UPP2: variants seen among roughly 807,000 people sequenced by gnomAD.
The protein encoded by UPP2 is UPase 2.
A neutral mutation model predicts 26.7 loss-of-function variants in UPP2; 23 were observed. The ratio of observed to expected loss-of-function variants is 0.86; its 90% CI spans 0.62 to 1.22. The LOEUF (loss-of-function observed/expected upper bound fraction) is 1.22, where lower values mean the gene tolerates loss of function less well. Among genes scored for constraint, UPP2 ranks in the 50% most tolerant of loss-of-function variants. The probability of loss-of-function intolerance (pLI) is 0.00; values close to 1 mark genes in which losing one functional copy is unlikely to be tolerated. For missense variants in UPP2, 387 were observed against 396.7 expected (o/e 0.98, Z 0.21); for synonymous variants, 127 against 141.3 (o/e 0.90, Z 0.72).
intron 3 of UPP2, among the ~76,000 whole-genome samples, chr2:158,020,264 T>C (rs1005683757): frequency 1.3e-5 from 2 of 152,252 alleles, no homozygotes; most frequent in African/African-American, 2.4e-5. Context: ...TCACTGCTCC[T>C]GTTCTTCGAC....
chr2:158,114,965 G>T, intron 2 of UPP2, 136 bp from the exon 3 acceptor site: 1 of 781,654 alleles, frequency 1.3e-6, no homozygotes, highest in Non-Finnish European at 1.8e-6. Flanking sequence ...GCTAATTCAT[G>T]GAACATAAAC....
At chr2:158,011,751 T>TTCC (rs1468194189) in intron 2 of UPP2, among the ~76,000 whole-genome samples, 1 of 152,168 alleles carries the variant, frequency 6.6e-6, no homozygotes, top group Non-Finnish European at 1.5e-5. Context: ...ACAAACAGAC[T>TTCC]TCCTCCTTTC....
chr2:158,000,224 T>A (rs1277001148), intron 2 of UPP2, among the ~76,000 whole-genome samples: 1 of 152,040 alleles, frequency 6.6e-6, no homozygotes. Context: ...CTCTGGAGAT[T>A]GCTCTACCTG....
chr2:158,086,188 G>T (rs1170755785), intron 3 of UPP2, among the ~76,000 whole-genome samples: 4 of 151,916 alleles, frequency 2.6e-5, no homozygotes, highest in South Asian at 2.1e-4. Flanking sequence ...GCTTATTATT[G>T]TTCTGTTCAG....
chr2:158,025,042 A>T (rs1329339724), intron 3 of UPP2, among the ~76,000 whole-genome samples: 2 of 152,104 alleles, frequency 1.3e-5, no homozygotes, highest in Admixed American at 1.3e-4. Context: ...TCTCTACAAA[A>T]ATATAAAAAT....
At chr2:158,031,984 T>G (rs947262739) in intron 3 of UPP2, among the ~76,000 whole-genome samples, 1 of 152,176 alleles carries the variant, frequency 6.6e-6, no homozygotes, top group East Asian at 1.9e-4. Flanking sequence ...CAGCTGAATA[T>G]TGTGTTCCCC....
Position 158,121,480 on chromosome 2 carries a change from GT to G in UPP2, c.527del (p.Val176AlafsTer51). The G allele has an allele frequency of 6.2e-7, 1 of 1,613,452 alleles. No homozygotes were observed. Reference protein sequence around the residue: ...DSFFKPRFEQVILDNIVTRST... With the variant: ...DSFFKPRFEQXILDNIVTRST... ...CTTCTTTAAGCCCCGGTTTGAACAG[GT>G]CATTTTGGACAACATTGTCACCCGA... On this transcript the variant is annotated frameshift_variant, in exon 5 of 7. Coordinates refer to ENST00000005756, the MANE Select transcript of UPP2 (RefSeq NM_173355.4). LOFTEE classifies it high-confidence loss of function.
chr2:157,995,320 A>C, intron 2 of UPP2: 1 of 1,559,886 alleles, frequency 6.4e-7, no homozygotes, highest in Non-Finnish European at 8.8e-7. Context: ...GTCATATTCC[A>C]AGTCTCAGTA....
upstream of UPP2, among the ~76,000 whole-genome samples, chr2:158,098,845 A>T (rs1683028085): frequency 6.6e-6 from 1 of 152,230 alleles, no homozygotes; most frequent in Non-Finnish European, 1.5e-5. Context: ...AAGACTGGAT[A>T]GCTAATAGAA....
At chr2:158,107,103 A>G (rs1314861890) in intron 2 of UPP2, among the ~76,000 whole-genome samples, 1 of 152,212 alleles carries the variant, frequency 6.6e-6, no homozygotes, top group East Asian at 1.9e-4. Flanking sequence ...TCAAATGAAT[A>G]TTTTGTAACT....
intron 3 of UPP2, among the ~76,000 whole-genome samples, chr2:158,038,410 T>A (rs945515339): frequency 6.6e-6 from 1 of 152,218 alleles, no homozygotes; most frequent in Non-Finnish European, 1.5e-5. Flanking sequence ...TTTGATTGCA[T>A]CAATAATGAG....
intron 3 of UPP2, among the ~76,000 whole-genome samples, chr2:158,089,331 C>A (rs1038644101): frequency 6.6e-6 from 1 of 152,170 alleles, no homozygotes; most frequent in Non-Finnish European, 1.5e-5. Context: ...TCCCACCGTG[C>A]CCCTTTGACA....
At chr2:158,115,008 A>G in intron 2 of UPP2, 93 bp from the exon 3 acceptor site, 1 of 1,271,628 alleles carries the variant, frequency 7.9e-7, no homozygotes, top group Non-Finnish European at 1.0e-6. Flanking sequence ...AAGTAAATTA[A>G]CTAAAAAGTA....
At chr2:158,051,812 A>AAAACT in intron 3 of UPP2, among the ~76,000 whole-genome samples, 1 of 152,104 alleles carries the variant, frequency 6.6e-6, no homozygotes, top group Non-Finnish European at 1.5e-5. Context: ...AAAACAAAAC[A>AAAACT]ACTACACTTT....
rs1320675756 is a variant in UPP2, at chr2:158,061,954, G to C, written c.148-40086G>C. ...TTTGGCTCCTCTATCCCAGCGACAG[G>C]CATGTTGCATCCCTCAGACCAAAGC... On this transcript the variant is annotated intron_variant, in intron 3 of 9. Transcript: ENST00000605860. Among the ~76,000 whole-genome samples the C allele has an allele frequency of 2.6e-5, 4 of 152,348 alleles. No homozygotes were observed. The South Asian group carries it at 8.3e-4, about 32-fold the overall frequency.
At chr2:158,088,214 G>A (rs1682847916) in intron 3 of UPP2, among the ~76,000 whole-genome samples, 1 of 152,104 alleles carries the variant, frequency 6.6e-6, no homozygotes, top group South Asian at 2.1e-4. Flanking sequence ...GTTGGATTGA[G>A]TTAATTTGAA....
intron 2 of UPP2, among the ~76,000 whole-genome samples, chr2:158,015,528 A>G (rs1226147858): frequency 1.1e-4 from 17 of 152,166 alleles, no homozygotes. Context: ...GCTATTGTGA[A>G]TAGTGCTGCT....
At chr2:158,090,155 T>C (rs1179349922) in intron 3 of UPP2, among the ~76,000 whole-genome samples, 3 of 152,178 alleles carry the variant, frequency 2.0e-5, no homozygotes, top group Non-Finnish European at 4.4e-5. Flanking sequence ...CTTGAGGTGA[T>C]GGATACCTTA....
intron 3 of UPP2, among the ~76,000 whole-genome samples, chr2:158,078,653 T>C (rs1000537110): frequency 6.6e-6 from 1 of 151,504 alleles, no homozygotes; most frequent in African/African-American, 2.4e-5. Flanking sequence ...GGGATGGGAG[T>C]GGGGATGTGG....
Sources: allele counts gnomAD v4.1 joint callset (sites outside exome capture counted in the v4.1 genomes callset), GRCh38; gene constraint gnomAD v4.1.1; transcripts MANE v1.5; gene names NCBI Gene and HGNC (gene_info 2026-07-23, HGNC 2026-07-21).